Variants in ACSS3 observed in about 807,000 individuals in gnomAD.
The protein encoded by ACSS3 is acyl-CoA synthetase short chain family member 3, also known as acyl-CoA synthetase short-chain family member 3, mitochondrial.
ACSS3 carries 64 observed loss-of-function variants against 84.2 expected under a neutral mutation model. The ratio of observed to expected loss-of-function variants is 0.76; its 90% CI spans 0.62 to 0.94. The LOEUF (loss-of-function observed/expected upper bound fraction) is 0.94. Ranked by LOEUF, ACSS3 falls within the 40% of genes least tolerant of loss-of-function variation. ACSS3 has a pLI of 0.00. For synonymous variants in ACSS3, 317 were observed against 310.1 expected, an observed-to-expected ratio of 1.02 and a Z score of -0.23; for missense variants, 815 against 867.6, an observed-to-expected ratio of 0.94 and a Z score of 0.76.
At chr12:81,242,148 A>G (rs1207143619) in intron 13 of ACSS3, among the ~76,000 whole-genome samples, 1 of 152,130 alleles carries the variant, frequency 6.6e-6, no homozygotes, top group Non-Finnish European at 1.5e-5. Context: ...AGATAGTTGT[A>G]GATGCAATAA....
chr12:81,227,442 C>T (rs1417057627), intron 11 of ACSS3, among the ~76,000 whole-genome samples: 7 of 151,208 alleles, frequency 4.6e-5, no homozygotes, highest in Non-Finnish European at 7.4e-5. Flanking sequence ...TTAGACTGAG[C>T]AGACCATTTA....
intron 11 of ACSS3, among the ~76,000 whole-genome samples, chr12:81,225,835 A>G (rs1284584792): frequency 6.6e-6 from 1 of 151,984 alleles, no homozygotes; most frequent in Non-Finnish European, 1.5e-5. Context: ...AAGAAAATGA[A>G]TGTTTGTGTT....
chr12:81,243,524 G>A (rs1281984303), intron 13 of ACSS3, among the ~76,000 whole-genome samples: 1 of 152,040 alleles, frequency 6.6e-6, no homozygotes, highest in African/African-American at 2.4e-5. Flanking sequence ...AAGTTCATAT[G>A]GAACCAAAAA....
intron 1 of ACSS3, among the ~76,000 whole-genome samples, chr12:81,089,496 T>G (rs1382551481): frequency 6.6e-6 from 1 of 152,008 alleles, no homozygotes; most frequent in Non-Finnish European, 1.5e-5. Flanking sequence ...GTCTCTCACC[T>G]GTGTTATTCC....
chr12:81,225,832 T>C (rs2033256110), intron 11 of ACSS3, among the ~76,000 whole-genome samples: 1 of 151,794 alleles, frequency 6.6e-6, no homozygotes, highest in Non-Finnish European at 1.5e-5. Context: ...AGGAAGAAAA[T>C]GAATGTTTGT....
chr12:81,224,632 G>A (rs771244389), intron 11 of ACSS3, among the ~76,000 whole-genome samples: 2 of 151,156 alleles, frequency 1.3e-5, no homozygotes, highest in Non-Finnish European at 3.0e-5. Context: ...ATTATCCGTA[G>A]TTTCACTTCA....
chr12:81,141,173 C>T (rs1175893554), intron 4 of ACSS3, among the ~76,000 whole-genome samples: 1 of 152,200 alleles, frequency 6.6e-6, no homozygotes, highest in Non-Finnish European at 1.5e-5. Context: ...CTGCTCCCCT[C>T]CAATAACTAG....
At chr12:81,109,507 G>A (rs1643761504) in intron 1 of ACSS3, 53 bp from the exon 2 acceptor site, 5 of 1,567,248 alleles carry the variant, frequency 3.2e-6, no homozygotes. Context: ...TTCATTAAGT[G>A]ACAATATATT....
intron 1 of ACSS3, among the ~76,000 whole-genome samples, chr12:81,080,866 T>C (rs1880925331): frequency 6.6e-6 from 1 of 152,212 alleles, no homozygotes; most frequent in East Asian, 1.9e-4. Context: ...AGACACCTCT[T>C]TGGGAGGTGA....
chr12:81,208,268 C>T (rs1286215779), intron 9 of ACSS3, among the ~76,000 whole-genome samples: 1 of 152,086 alleles, frequency 6.6e-6, no homozygotes, highest in Non-Finnish European at 1.5e-5. Flanking sequence ...ACTTCTAAAT[C>T]CATATTGTTT....
At chr12:81,182,172 A>G (rs1434869914) in intron 8 of ACSS3, among the ~76,000 whole-genome samples, 2 of 152,218 alleles carry the variant, frequency 1.3e-5, no homozygotes, top group Non-Finnish European at 2.9e-5. Context: ...CAAATTACAT[A>G]TAAGGGAATT....
At chr12:81,172,968 A>G (rs997182186) in intron 7 of ACSS3, among the ~76,000 whole-genome samples, 1 of 152,132 alleles carries the variant, frequency 6.6e-6, no homozygotes, top group African/African-American at 2.4e-5. Context: ...TAGCTTATTG[A>G]GAAAATATTG....
At chr12:81,123,684 A>T (rs1008046632) in intron 2 of ACSS3, among the ~76,000 whole-genome samples, 6 of 151,924 alleles carry the variant, frequency 3.9e-5, no homozygotes, top group African/African-American at 1.5e-4. Flanking sequence ...TATGTACACA[A>T]TGTTTAGATC....
intron 1 of ACSS3, among the ~76,000 whole-genome samples, chr12:81,105,743 CAG>C (rs1276018365): frequency 6.6e-6 from 1 of 152,190 alleles, no homozygotes; most frequent in Non-Finnish European, 1.5e-5. Context: ...GGATCTAAAA[CAG>C]TGTCATATTC....
chr12:81,115,952 G>C, intron 2 of ACSS3, among the ~76,000 whole-genome samples: 1 of 151,988 alleles, frequency 6.6e-6, no homozygotes, highest in Non-Finnish European at 1.5e-5. Context: ...CACCAGTGCC[G>C]GTATTTAAGG....
chr12:81,116,085 A>G (rs1884019636), intron 2 of ACSS3, among the ~76,000 whole-genome samples: 1 of 152,028 alleles, frequency 6.6e-6, no homozygotes, highest in South Asian at 2.1e-4. Flanking sequence ...AGTATAATGT[A>G]TATATTGTAT....
Position 81,260,622 on chromosome 12 carries a change from C to T in ACSS3, c.*5700C>T, listed in dbSNP as rs568171785. The T allele has an allele frequency of 3.9e-5, 6 of 152,060 alleles. No homozygotes were observed. The highest frequency in any genetic ancestry group is 8.8e-5 in the Non-Finnish European group (6 of 68,004). 9.4% of individuals were successfully genotyped at this position (152,060 alleles called of 1,614,324 possible). A position where few individuals can be genotyped will look rare whatever the true frequency, so the allele number is the denominator to read the frequency against. ...TACATTCTGAAATTAAATCTCTTAT[C>T]GGGATGCTTTTCATTTTATCAGCTT... On this transcript the variant is annotated 3_prime_UTR_variant, in exon 16 of 16. Coordinates refer to ENST00000548058, the MANE Select transcript of ACSS3 (RefSeq NM_024560.4).
rs1303404992 is a variant in ACSS3, at chr12:81,256,433, T to C, written c.*1511T>C. Reference sequence around the variant, plus strand: ...GGGCCAGTTAACTAAGGTAGACAGATGTAGGAAATTAAATATTTGATTTAC... The same window carrying C: ...GGGCCAGTTAACTAAGGTAGACAGACGTAGGAAATTAAATATTTGATTTAC... On this transcript the variant is annotated 3_prime_UTR_variant, in exon 16 of 16. Transcript: ENST00000548058. 1 of 152,160 alleles carries C rather than the reference T, an allele frequency of 6.6e-6. No homozygotes were observed. The highest frequency in any genetic ancestry group is 1.9e-4 in the East Asian group (1 of 5,184). 9.4% of individuals were successfully genotyped at this position (152,160 alleles called of 1,614,324 possible).
intron 8 of ACSS3, among the ~76,000 whole-genome samples, chr12:81,182,141 A>G (rs139485534): frequency 1.7e-3 from 261 of 152,318 alleles, no homozygotes; most frequent in African/African-American, 6.1e-3. Flanking sequence ...AGAGAATTTT[A>G]AAAGCAACAG....
Sources: allele counts gnomAD v4.1 joint callset (sites outside exome capture counted in the v4.1 genomes callset), GRCh38; gene constraint gnomAD v4.1.1; transcripts MANE v1.5; gene names NCBI Gene and HGNC (gene_info 2026-07-23, HGNC 2026-07-21).